PREX1: variants seen among roughly 807,000 people sequenced by gnomAD.
PREX1 encodes phosphatidylinositol 3,4,5-trisphosphate-dependent Rac exchanger 1 protein.
PREX1 carries 41 observed loss-of-function variants against 198.3 expected under a neutral mutation model. The observed-to-expected ratio is 0.21, with a 90% CI of 0.16 to 0.27. The LOEUF (loss-of-function observed/expected upper bound fraction) is 0.27. Among genes scored for constraint, PREX1 ranks in the 10% least tolerant of loss-of-function variants. The pLI, the probability that PREX1 is intolerant of heterozygous loss-of-function variation, is 1.00. For missense variants in PREX1, 1,620 were observed against 2,200.7 expected, an observed-to-expected ratio of 0.74 and a Z score of 5.28; for synonymous variants, 843 against 887.2, an observed-to-expected ratio of 0.95 and a Z score of 0.89.
chr20:48,858,498 C>G, the PREX1 span, among the ~76,000 whole-genome samples: 4 of 152,206 alleles, frequency 2.6e-5, no homozygotes, highest in Non-Finnish European at 5.9e-5. Flanking sequence ...AACAGAGAGA[C>G]CTTTCAGGAG....
At chr20:48,764,508 C>T (rs2090198993) in intron 1 of PREX1, among the ~76,000 whole-genome samples, 1 of 152,128 alleles carries the variant, frequency 6.6e-6, no homozygotes, top group South Asian at 2.1e-4. Context: ...AGGGGCTAGG[C>T]ACGATGGCTG....
In PREX1 at chr20:48,632,643, C is replaced by T. The variant is rs149877120; in HGVS notation, c.4268-4G>A. The T allele has an allele frequency of 6.6e-5, 107 of 1,613,508 alleles. No homozygotes were observed. The highest frequency in any genetic ancestry group is 7.9e-5 in the Non-Finnish European group (93 of 1,179,746). ...ATGTGGTAGAAGACGTTGGTGTCTG[C>T]GGAAGGATATGGGGCAGGATGACTC... is the stretch of plus-strand genomic sequence containing the variant. On this transcript the variant is annotated splice_polypyrimidine_tract_variant and splice_region_variant and intron_variant, in intron 33 of 39. Transcript: ENST00000371941.
chr20:48,799,403 T>C (rs1601142894), intron 1 of PREX1, among the ~76,000 whole-genome samples: 2 of 152,134 alleles, frequency 1.3e-5, no homozygotes, highest in East Asian at 1.9e-4. Context: ...AACATCCCTC[T>C]AAGCCTGTGT....
chr20:48,711,780 C>T (rs752071494), intron 5 of PREX1, among the ~76,000 whole-genome samples: 12 of 152,226 alleles, frequency 7.9e-5, no homozygotes, highest in Non-Finnish European at 1.6e-4. Context: ...AGCATGAGGG[C>T]ACCTGGAATA....
At chr20:48,719,616 C>A (rs117987932) in intron 5 of PREX1, among the ~76,000 whole-genome samples, 1 of 152,104 alleles carries the variant, frequency 6.6e-6, no homozygotes, top group Non-Finnish European at 1.5e-5. Flanking sequence ...AAAGAGATAA[C>A]CCAAAGTATC....
chr20:48,710,687 A>G lies in PREX1; in HGVS notation c.622-2266T>C, dbSNP rs2089926384. On this transcript the variant is annotated intron_variant, in intron 5 of 39. Transcript: ENST00000371941. The stretch of plus-strand genomic sequence containing the variant: ...CTCAAATAAATATATAATTTATAGA[A>G]TTAAAGGGACAATGAGTGAGGGAAG... Among the ~76,000 whole-genome samples the G allele has an allele frequency of 2.0e-5, 3 of 152,258 alleles. No individual in the cohort carries two copies. The South Asian group carries it at 6.2e-4, about 31-fold the overall frequency.
At position 48,637,216 on chromosome 20, in the gene PREX1, C is replaced by T. The variant is rs183245011; in HGVS notation, c.3946+495G>A. On this transcript the variant is annotated intron_variant, in intron 31 of 39. Coordinates refer to ENST00000371941, the MANE Select transcript of PREX1 (RefSeq NM_020820.4). ...TTCAAGCAATTGGTCTCTCAGGGTC[C>T]CAATCTTCTGGAAGGAATTATTTCC... Among the ~76,000 whole-genome samples the T allele has an allele frequency of 9.8e-4, 149 of 152,368 alleles. 1 individual carries two copies. The highest frequency in any genetic ancestry group is 1.4e-3 in the Non-Finnish European group (96 of 68,042).
At position 48,695,832 on chromosome 20, in the gene PREX1, T is replaced by C. The variant is rs569896235; in HGVS notation, c.918-3042A>G. ...CAAATAGTACACATTTTCAGTTTTG[T>C]AGGCCATATGGTCTCTGTTACAAAC... On this transcript the variant is annotated intron_variant, in intron 7 of 39. Transcript: ENST00000371941. Among the ~76,000 whole-genome samples, 3 of 152,372 alleles carry C rather than the reference T, an allele frequency of 2.0e-5. No homozygotes were observed. In the South Asian group the frequency reaches 6.2e-4, roughly 32 times the overall value.
chr20:48,792,470 CA>C (rs981054641), intron 1 of PREX1, among the ~76,000 whole-genome samples: 3 of 150,128 alleles, frequency 2.0e-5, no homozygotes, highest in African/African-American at 7.3e-5. Flanking sequence ...AACTCCATCT[CA>C]AAAAAAAAGG....
chr20:48,711,891 C>A (rs914587299), intron 5 of PREX1, among the ~76,000 whole-genome samples: 2 of 152,190 alleles, frequency 1.3e-5, no homozygotes, highest in East Asian at 3.9e-4. Flanking sequence ...TCTTCCTTGG[C>A]TGGAATGTGG....
chr20:48,642,516 T>A (rs1294188646), intron 27 of PREX1, 27 bp from the exon 28 acceptor site: 1 of 1,586,698 alleles, frequency 6.3e-7, no homozygotes, highest in African/African-American at 1.3e-5. Flanking sequence ...GCAGCAGCCA[T>A]CAGTCATTCC....
At chr20:48,866,958 A>G in the PREX1 span, among the ~76,000 whole-genome samples, 1 of 152,174 alleles carries the variant, frequency 6.6e-6, no homozygotes, top group Non-Finnish European at 1.5e-5. Flanking sequence ...CTCTTCCTCC[A>G]TAAGAGGTTG....
At chr20:48,631,656 C>G (rs190794007) in intron 35 of PREX1, among the ~76,000 whole-genome samples, 1 of 152,322 alleles carries the variant, frequency 6.6e-6, no homozygotes, top group Admixed American at 6.5e-5. Context: ...AATGATGAAG[C>G]CCAGACCCGT....
chr20:48,858,834 T>C, the PREX1 span, among the ~76,000 whole-genome samples: 1 of 152,250 alleles, frequency 6.6e-6, no homozygotes, highest in Non-Finnish European at 1.5e-5. Flanking sequence ...TTCACTTTTA[T>C]TGAGCACTTA....
At chr20:48,640,557 C>T (rs555732647) in intron 29 of PREX1, among the ~76,000 whole-genome samples, 13 of 152,200 alleles carry the variant, frequency 8.5e-5, no homozygotes, top group Admixed American at 8.5e-4. Flanking sequence ...AGCTGGGGAG[C>T]CCCAAGTCCT....
At position 48,827,533 on chromosome 20, in the gene PREX1, C is replaced by T. The variant is rs1398764209; in HGVS notation, c.219+109G>A. 2.1e-5 allele frequency: 18 copies of T among 858,858 alleles called. No individual in the cohort carries two copies. Among genetic ancestry groups the T allele is most frequent in the Admixed American group, 9.8e-5 (2 of 20,432 alleles). The allele number at this position is 858,858 out of a possible 1,614,324, so 53.2% of individuals were successfully genotyped here. On this transcript the variant is annotated intron_variant, in intron 1 of 39. Coordinates refer to ENST00000371941, the MANE Select transcript of PREX1 (RefSeq NM_020820.4). The surrounding 1 kb of genome is among the most constrained non-coding windows in gnomAD (Gnocchi z 4.1). ...GCTTTCCGCGCGCCCTGCGGGGCGCCCCCGAGGCAATTCTCCACCCACGGG... is the reference window on the plus strand; with the variant it reads ...GCTTTCCGCGCGCCCTGCGGGGCGCTCCCGAGGCAATTCTCCACCCACGGG...
chr20:48,682,920 AT>A (rs2089761384), intron 10 of PREX1, among the ~76,000 whole-genome samples: 1 of 152,208 alleles, frequency 6.6e-6, no homozygotes, highest in Non-Finnish European at 1.5e-5. Context: ...GGGCAGGGCT[AT>A]TTTTAGCTTC....
At chr20:48,824,695 GT>G (rs1201604515) in intron 1 of PREX1, among the ~76,000 whole-genome samples, 4 of 152,148 alleles carry the variant, frequency 2.6e-5, no homozygotes, top group Admixed American at 1.3e-4. Context: ...AGGTTAAGGT[GT>G]TTGCCCAAGG....
At chr20:48,738,539 T>G (rs368981647) in intron 3 of PREX1, among the ~76,000 whole-genome samples, 28 of 152,312 alleles carry the variant, frequency 1.8e-4, no homozygotes, top group African/African-American at 6.5e-4. Flanking sequence ...ACGGAAACGC[T>G]GCTCTTGACA....
Sources: gnomAD v4.1 joint callset for allele counts (sites outside exome capture counted in the v4.1 genomes callset) on GRCh38, gnomAD v4.1.1 for gene constraint, Gnocchi (gnomAD v3.1) non-coding constraint, MANE v1.5 for transcripts, NCBI Gene and HGNC (gene_info 2026-07-23, HGNC 2026-07-21) for gene names.